AFTPH: variants seen among roughly 807,000 people sequenced by gnomAD.
AFTPH encodes aftiphilin.
Under a neutral mutation model 72.5 loss-of-function variants are expected in AFTPH, and 7 were observed. That is an observed-to-expected ratio of 0.10 (90% confidence interval 0.05 to 0.18). The LOEUF is 0.18. AFTPH is among the 10% of genes least tolerant of loss of function. The pLI, the probability that AFTPH is intolerant of heterozygous loss-of-function variation, is 1.00. For missense variants in AFTPH, 979 were observed against 1,060.5 expected (o/e 0.92, Z 1.07); for synonymous variants, 337 against 370.1 (o/e 0.91, Z 1.03).
At chr2:64,555,400 A>G (rs548081487) in intron 2 of AFTPH, among the ~76,000 whole-genome samples, 5 of 152,188 alleles carry the variant, frequency 3.3e-5, no homozygotes, top group African/African-American at 1.2e-4. Context: ...GTCTCTACTA[A>G]AAATACAAAA....
At chr2:64,566,870 C>T (rs1356830979) in intron 2 of AFTPH, among the ~76,000 whole-genome samples, 1 of 151,472 alleles carries the variant, frequency 6.6e-6, no homozygotes, top group Non-Finnish European at 1.5e-5. Flanking sequence ...GTGTAGTATT[C>T]TATTCAAAAA....
Position 64,562,149 on chromosome 2 carries a change from A to G in AFTPH, c.1936-5413A>G, listed in dbSNP as rs532123573. On this transcript the variant is annotated intron_variant, in intron 2 of 8. Coordinates refer to ENST00000238856, the Ensembl canonical transcript of AFTPH. ...TTCTGGAGTTTCTTTTAGAAGATTC[A>G]TGGAGTAATACATGTAGAGCGTCAA... is the stretch of plus-strand genomic sequence containing the variant. Among the ~76,000 whole-genome samples the G allele has an allele frequency of 1.5e-4, 23 of 152,266 alleles. 1 individual carries two copies. In the South Asian group the frequency reaches 4.8e-3, roughly 32 times the overall value.
At chr2:64,575,832 G>A (rs768433058) in intron 6 of AFTPH, among the ~76,000 whole-genome samples, 3 of 150,900 alleles carry the variant, frequency 2.0e-5, no homozygotes, top group African/African-American at 4.9e-5. Context: ...TCCACCTCCC[G>A]GGTTCAAGTG....
chr2:64,543,301 A>G (rs1353472606), intron 1 of AFTPH, among the ~76,000 whole-genome samples: 3 of 152,286 alleles, frequency 2.0e-5, no homozygotes, highest in Middle Eastern at 3.4e-3. Context: ...CATGTTTTGC[A>G]CATATCTTCT....
chr2:64,553,718 A>C (rs1228937871), intron 2 of AFTPH, among the ~76,000 whole-genome samples: 3 of 150,264 alleles, frequency 2.0e-5, no homozygotes, highest in African/African-American at 7.4e-5. Context: ...AAAAAAAAAA[A>C]ACCCACACTT....
At chr2:64,564,789 C>T (rs556081595) in intron 2 of AFTPH, among the ~76,000 whole-genome samples, 2 of 151,732 alleles carry the variant, frequency 1.3e-5, no homozygotes, top group East Asian at 3.9e-4. Flanking sequence ...TGGTGAGAAA[C>T]TCATTACAGG....
chr2:64,568,792 A>G lies in AFTPH; in HGVS notation c.2088-300A>G, dbSNP rs183696145. Among the ~76,000 whole-genome samples, 844 of 152,042 alleles carry G rather than the reference A, an allele frequency of 5.6e-3. 11 individuals are homozygous for G. Among genetic ancestry groups the G allele is most frequent in the African/African-American group, 0.019 (798 of 41,454 alleles). On this transcript the variant is annotated intron_variant, in intron 3 of 8. Transcript: ENST00000238856. ...GCCTGGCTAATTTTTTGTATTTTTT[A>G]GTAGAGATGGGGTTTCACCATGTTG...
At chr2:64,591,788 C>T in intron 8 of AFTPH, 100 bp from the exon 10 acceptor site, 1 of 1,308,094 alleles carries the variant, frequency 7.6e-7, no homozygotes, top group Non-Finnish European at 1.1e-6. Flanking sequence ...ACTCAAGTCC[C>T]CACAGATTGC....
chr2:64,582,868 G>A (rs888700120), intron 7 of AFTPH, among the ~76,000 whole-genome samples: 1 of 152,134 alleles, frequency 6.6e-6, no homozygotes, highest in Non-Finnish European at 1.5e-5. Context: ...ATATAAAGAA[G>A]TACAGAAATG....
At chr2:64,559,805 A>C (rs1671605342) in intron 2 of AFTPH, among the ~76,000 whole-genome samples, 1 of 152,080 alleles carries the variant, frequency 6.6e-6, no homozygotes, top group Non-Finnish European at 1.5e-5. Flanking sequence ...CTTGGTTTCA[A>C]GCAGTCCTCC....
chr2:64,552,928 A>G (rs1477454196), exon 2 of AFTPH: 1 of 1,614,164 alleles, frequency 6.2e-7, no homozygotes, highest in South Asian at 1.1e-5. Flanking sequence ...GGGGATATAA[A>G]TGCTGTTTCT....
chr2:64,526,134 CACA>C (rs1277096438), intron 1 of AFTPH, among the ~76,000 whole-genome samples: 2 of 152,314 alleles, frequency 1.3e-5, no homozygotes, highest in South Asian at 2.1e-4. Flanking sequence ...AATCCCGTAT[CACA>C]ACAAGGATAA....
chr2:64,551,488 T>A, exon 2 of AFTPH: 1 of 1,613,414 alleles, frequency 6.2e-7, no homozygotes, highest in Non-Finnish European at 8.5e-7. Context: ...GAGCCAGACA[T>A]CATTCGAATG....
chr2:64,578,256 AC>A (rs1672942588), intron 6 of AFTPH, among the ~76,000 whole-genome samples: 1 of 152,158 alleles, frequency 6.6e-6, no homozygotes, highest in Admixed American at 6.5e-5. Flanking sequence ...TTACCTACCT[AC>A]GCAGAAAAAA....
exon 2 of AFTPH, chr2:64,551,842 C>A: frequency 1.2e-6 from 2 of 1,613,704 alleles, no homozygotes; most frequent in African/African-American, 1.3e-5. Flanking sequence ...ATGTTAGCTA[C>A]TTCCATTGAT....
chr2:64,541,482 A>G (rs190198269), intron 1 of AFTPH, among the ~76,000 whole-genome samples: 1 of 152,312 alleles, frequency 6.6e-6, no homozygotes, highest in East Asian at 1.9e-4. Context: ...TAAAATTTAG[A>G]GCTGTGAAAA....
At chr2:64,549,953 C>T (rs1359257102) in intron 1 of AFTPH, among the ~76,000 whole-genome samples, 1 of 152,102 alleles carries the variant, frequency 6.6e-6, no homozygotes, top group Non-Finnish European at 1.5e-5. Context: ...AAACTTTCTT[C>T]ATCTTCGTGA....
chr2:64,542,740 G>A (rs1410953395), intron 1 of AFTPH, among the ~76,000 whole-genome samples: 1 of 152,006 alleles, frequency 6.6e-6, no homozygotes. Context: ...CTTTAGTGTG[G>A]TTATGCATAT....
At chr2:64,547,826 A>AG (rs1237007952) in intron 1 of AFTPH, among the ~76,000 whole-genome samples, 1 of 152,034 alleles carries the variant, frequency 6.6e-6, no homozygotes, top group Admixed American at 6.5e-5. Flanking sequence ...TCTGTCACCC[A>AG]GGCTGGAGTA....
Sources: allele counts gnomAD v4.1 joint callset (sites outside exome capture counted in the v4.1 genomes callset), GRCh38; gene constraint gnomAD v4.1.1; transcripts MANE v1.5; gene names NCBI Gene and HGNC (gene_info 2026-07-23, HGNC 2026-07-21).